ALMS1: variants seen among roughly 807,000 people sequenced by gnomAD.
ALMS1 encodes centrosome-associated protein ALMS1.
Under a neutral mutation model 352.2 loss-of-function variants are expected in ALMS1, and 271 were observed. The ratio of observed to expected loss-of-function variants is 0.77; its 90% CI spans 0.70 to 0.85. The LOEUF (loss-of-function observed/expected upper bound fraction) is 0.85. Ranked by LOEUF, ALMS1 falls within the 40% of genes least tolerant of loss-of-function variation. ALMS1 has a pLI of 0.00. For synonymous variants in ALMS1, 1,865 were observed against 1,761.2 expected, an observed-to-expected ratio of 1.06 and a Z score of -1.48; for missense variants, 5,445 against 4,870.7, an observed-to-expected ratio of 1.12 and a Z score of -3.51.
chr2:73,531,489 T>C (rs976251623), intron 11 of ALMS1, among the ~76,000 whole-genome samples: 1 of 152,230 alleles, frequency 6.6e-6, no homozygotes, highest in East Asian at 1.9e-4. Context: ...GTCAGCATTT[T>C]TGGTCAAAAC....
intron 13 of ALMS1, among the ~76,000 whole-genome samples, chr2:73,552,392 A>G (rs569007291): frequency 9.9e-5 from 15 of 152,212 alleles, no homozygotes; most frequent in Non-Finnish European, 1.6e-4. Context: ...GTTTTCCACT[A>G]TCCATATGCT....
rs751756182 is a variant in ALMS1 at position 73,601,423 on chromosome 2, G to C, written c.12101G>C (p.Arg4034Thr). 9 of 1,614,012 alleles carry C rather than the reference G, an allele frequency of 5.6e-6. No individual in the cohort carries two copies. The Admixed American group carries it at 1.3e-4, about 24-fold the overall frequency. ...AGRDLLRPFVRATLQESLQFH... is the reference protein window; with the variant it reads ...AGRDLLRPFVTATLQESLQFH... Reference sequence around the variant, plus strand: ...AGAGACCTACTGAGGCCATTTGTGAGAGCAACCCTTCAGGTGCAGTGACGT... The same window carrying C: ...AGAGACCTACTGAGGCCATTTGTGACAGCAACCCTTCAGGTGCAGTGACGT... The change falls in exon 19 of 23, where the codon AGA (arginine) becomes ACA (threonine). Residue 4034 changes from arginine to threonine, a missense_variant. Physicochemically the swap from Arg to Thr is moderately conservative, Grantham distance 71. Transcript: ENST00000613296.
At chr2:73,518,705 T>C (rs774463241) in intron 10 of ALMS1, among the ~76,000 whole-genome samples, 1 of 152,210 alleles carries the variant, frequency 6.6e-6, no homozygotes, top group African/African-American at 2.4e-5. Context: ...TTTGCATTTA[T>C]GTAATCAGTG....
At chr2:73,473,826 C>T (rs1219463784) in intron 9 of ALMS1, among the ~76,000 whole-genome samples, 3 of 150,804 alleles carry the variant, frequency 2.0e-5, no homozygotes, top group Non-Finnish European at 2.9e-5. Context: ...TTTATTTATT[C>T]GAGGAGAAGA....
chr2:73,573,794 A>G (rs896746059), intron 16 of ALMS1, among the ~76,000 whole-genome samples: 3 of 151,598 alleles, frequency 2.0e-5, no homozygotes, highest in Admixed American at 6.6e-5. Flanking sequence ...CTTTCAGGAA[A>G]TATATTTGAG....
At chr2:73,590,677 CTTTTTTTT>C (rs35264211) in intron 16 of ALMS1, among the ~76,000 whole-genome samples, 14 of 108,440 alleles carry the variant, frequency 1.3e-4, no homozygotes, top group African/African-American at 4.8e-4. Context: ...TGTTTTATTA[CTTTTTTTT>C]TTTTTTTTTT....
At position 73,550,150 on chromosome 2, in the gene ALMS1, G is replaced by A. The variant is rs979899701; in HGVS notation, c.9908-117G>A. 2.0e-5 allele frequency: 21 copies of A among 1,053,808 alleles called. No homozygotes were observed. The East Asian group carries it at 3.8e-4, about 19-fold the overall frequency. 65.3% of individuals were successfully genotyped at this position (1,053,808 alleles called of 1,614,324 possible). A position where few individuals can be genotyped will look rare whatever the true frequency, so the allele number is the denominator to read the frequency against. On this transcript the variant is annotated intron_variant, in intron 12 of 22. Transcript: ENST00000613296. ...GCTGGGATTACAGGCATGAGCCATC[G>A]TGCCTGGCCTGTAGTGCTTTTTTCA...
upstream of ALMS1, chr2:73,385,779 A>C: frequency 4.9e-6 from 3 of 617,002 alleles, no homozygotes; most frequent in Non-Finnish European, 8.6e-6. Flanking sequence ...ACTGCGCCTA[A>C]GCTGGGCCAC....
At chr2:73,476,143 C>A (rs1672578904) in intron 9 of ALMS1, among the ~76,000 whole-genome samples, 1 of 152,040 alleles carries the variant, frequency 6.6e-6, no homozygotes, top group Non-Finnish European at 1.5e-5. Context: ...CAGAATCACA[C>A]AGTATATGTC....
chr2:73,579,970 GC>G (rs1675138745), intron 16 of ALMS1, among the ~76,000 whole-genome samples: 3 of 151,980 alleles, frequency 2.0e-5, no homozygotes, highest in South Asian at 4.1e-4. Flanking sequence ...TATTCCTTCT[GC>G]CCCTTTCTTT....
At chr2:73,410,196 C>G (rs1381880780) in intron 2 of ALMS1, among the ~76,000 whole-genome samples, 3 of 152,122 alleles carry the variant, frequency 2.0e-5, no homozygotes, top group Admixed American at 6.6e-5. Flanking sequence ...CAAGACCAGC[C>G]TGGCCAACAT....
In ALMS1 at chr2:73,490,965, G is replaced by A. The variant is rs753980616; in HGVS notation, c.9006G>A (p.Lys3002=). 1.1e-5 allele frequency: 17 copies of A among 1,614,128 alleles called. No individual in the cohort carries two copies. Among genetic ancestry groups the A allele is most frequent in the Non-Finnish European group, 1.4e-5 (16 of 1,180,002 alleles). ...TAGTGGAAAAGAATAATCAACATAA[G>A]CCTAAATCACACATTTCTAATATAA... is the stretch of plus-strand genomic sequence containing the variant. ...DCVVEKNNQH[K]PKSHISNINV... The change falls in exon 10 of 23, where the codon AAG becomes AAA. Residue 3002 remains lysine (K), a synonymous_variant. Coordinates refer to ENST00000613296, the MANE Select transcript of ALMS1 (RefSeq NM_001378454.1).
intron 15 of ALMS1, 24 bp downstream of exon 15, chr2:73,559,166 A>C (rs544063113): frequency 1.5e-5 from 24 of 1,606,994 alleles, no homozygotes; most frequent in Non-Finnish European, 2.6e-6. Flanking sequence ...GTTGTGTATG[A>C]GTGTGTGTGT....
At chr2:73,454,877 A>G (rs1318998205) in intron 8 of ALMS1, among the ~76,000 whole-genome samples, 1 of 152,238 alleles carries the variant, frequency 6.6e-6, no homozygotes, top group East Asian at 1.9e-4. Flanking sequence ...GGGAGAGGTA[A>G]AGAAACTCAT....
chr2:73,403,246 T>A (rs566862096), intron 1 of ALMS1, among the ~76,000 whole-genome samples: 37 of 152,322 alleles, frequency 2.4e-4, no homozygotes, highest in African/African-American at 8.7e-4. Flanking sequence ...TTCTTTTGCA[T>A]GAGGAAATTT....
Position 73,448,590 on chromosome 2 carries a change from T to C in ALMS1, c.2063T>C (p.Leu688Pro), listed in dbSNP as rs777041230. 6.2e-7 allele frequency: 1 copy of C among 1,613,986 alleles called. No homozygotes were observed. The highest frequency in any genetic ancestry group is 1.1e-5 in the South Asian group (1 of 91,084). ...FYRQTLPDGHLTDQALKVSAV... is the reference protein window; with the variant it reads ...FYRQTLPDGHPTDQALKVSAV... ...CGACAGACCTTGCCAGATGGTCATC[T>C]AACTGATCAGGCTCTGAAAGTCTCA... is the stretch of plus-strand genomic sequence containing the variant. The change falls in exon 8 of 23, where the codon CTA (leucine) becomes CCA (proline). Residue 688 changes from leucine to proline, a missense_variant. Physicochemically the swap from Leu to Pro is moderately conservative, Grantham distance 98. Transcript: ENST00000613296.
In ALMS1 at chr2:73,600,764, T is replaced by A; in HGVS notation, c.11755T>A (p.Leu3919Met). The A allele has an allele frequency of 6.2e-7, 1 of 1,614,120 alleles. No homozygotes were observed. Among genetic ancestry groups the A allele is most frequent in the Non-Finnish European group, 8.5e-7 (1 of 1,180,018 alleles). Residue 3919 changes from leucine to methionine, a missense_variant, in exon 18 of 23, where the codon TTG (leucine) becomes ATG (methionine). Coordinates refer to ENST00000613296, the MANE Select transcript of ALMS1 (RefSeq NM_001378454.1). ...FPTPSSSEAK[L>M]EENSDVTSWS... ...AACTCCAAGTTCCAGCGAGGCTAAA[T>A]TGGAAGAGAACAGTGATGTGACTTC...
intron 7 of ALMS1, among the ~76,000 whole-genome samples, chr2:73,438,025 G>T (rs941685309): frequency 3.3e-5 from 5 of 152,100 alleles, no homozygotes; most frequent in African/African-American, 1.2e-4. Context: ...CTGTTCCCAT[G>T]TACAATCCCT....
intron 9 of ALMS1, chr2:73,458,486 A>G (rs1216298207): frequency 1.3e-5 from 2 of 152,218 alleles, no homozygotes; most frequent in East Asian, 3.8e-4. Flanking sequence ...TTTCTTCATC[A>G]TGAGCTTACA....
Sources: allele counts gnomAD v4.1 joint callset (sites outside exome capture counted in the v4.1 genomes callset), GRCh38; gene constraint gnomAD v4.1.1; transcripts MANE v1.5; gene names NCBI Gene and HGNC (gene_info 2026-07-23, HGNC 2026-07-21).